Variants in ARIH2 observed in about 807,000 individuals in gnomAD.
The protein encoded by ARIH2 is ariadne RBR E3 ubiquitin protein ligase 2, also known as E3 ubiquitin-protein ligase ARIH2.
A neutral mutation model predicts 79.8 loss-of-function variants in ARIH2; 12 were observed. The observed-to-expected ratio is 0.15, with a 90% CI of 0.10 to 0.24. The LOEUF is 0.24. ARIH2 is among the 10% of genes least tolerant of loss of function. The probability of loss-of-function intolerance (pLI) is 1.00; values close to 1 mark genes in which losing one functional copy is unlikely to be tolerated. For missense variants in ARIH2, 301 were observed against 618.3 expected (o/e 0.49, Z 5.44); for synonymous variants, 224 against 213.9 (o/e 1.05, Z -0.41).
At chr3:48,937,941 G>A (rs1016011100) in intron 3 of ARIH2, among the ~76,000 whole-genome samples, 1 of 151,286 alleles carries the variant, frequency 6.6e-6, no homozygotes, top group African/African-American at 2.4e-5. Flanking sequence ...CAGCTACTCC[G>A]GAGGCTGAGG....
chr3:48,945,024 G>A (rs745563068), intron 3 of ARIH2: 40 of 891,112 alleles, frequency 4.5e-5, no homozygotes, highest in Non-Finnish European at 1.7e-5. Flanking sequence ...ATTGGACCAC[G>A]AAGTGGCAGG....
chr3:48,979,928 CT>C (rs1409819922), intron 12 of ARIH2: 1 of 265,928 alleles, frequency 3.8e-6, no homozygotes, highest in Non-Finnish European at 6.9e-6. Flanking sequence ...TTTTTTTTTT[CT>C]TTTTTCTACG....
intron 9 of ARIH2, among the ~76,000 whole-genome samples, chr3:48,974,037 C>T (rs1473918452): frequency 6.6e-6 from 1 of 151,976 alleles, no homozygotes; most frequent in Non-Finnish European, 1.5e-5. Flanking sequence ...TGCCAAAATG[C>T]CAGGAAAGGG....
intron 3 of ARIH2, chr3:48,949,069 A>T (rs2089606641): frequency 2.2e-6 from 1 of 456,534 alleles, no homozygotes; most frequent in Non-Finnish European, 4.4e-6. Flanking sequence ...TGTATAGATA[A>T]CTAGGAGTGG....
At position 48,968,671 on chromosome 3, in the gene ARIH2, G is replaced by T. The variant is rs1228295720; in HGVS notation, c.660+16G>T. Reference sequence around the variant, plus strand: ...CTATGTGGAGGTATGGCCAGCCTTTGTTCTGCCCTCTGTCTTCCCGGGCCT... The same window carrying T: ...CTATGTGGAGGTATGGCCAGCCTTTTTTCTGCCCTCTGTCTTCCCGGGCCT... On this transcript the variant is annotated intron_variant, in intron 7 of 15. Coordinates refer to ENST00000356401, the MANE Select transcript of ARIH2 (RefSeq NM_006321.4). 6.2e-7 allele frequency: 1 copy of T among 1,602,996 alleles called. No homozygotes were observed. Among genetic ancestry groups the T allele is most frequent in the Non-Finnish European group, 8.5e-7 (1 of 1,172,406 alleles).
intron 3 of ARIH2, among the ~76,000 whole-genome samples, chr3:48,928,708 T>C (rs1262644382): frequency 6.6e-6 from 1 of 152,156 alleles, no homozygotes; most frequent in African/African-American, 2.4e-5. Flanking sequence ...CTATAAAATT[T>C]GCTTTATCTA....
chr3:48,925,532 G>A (rs532337104), intron 2 of ARIH2, among the ~76,000 whole-genome samples: 6 of 151,712 alleles, frequency 4.0e-5, no homozygotes, highest in Admixed American at 3.3e-4. Flanking sequence ...AAAGTTCTGG[G>A]ATTATAGTTG....
intron 11 of ARIH2, among the ~76,000 whole-genome samples, chr3:48,977,288 GT>G (rs1471327800): frequency 6.6e-6 from 1 of 151,896 alleles, no homozygotes; most frequent in African/African-American, 2.4e-5. Context: ...AGGGAATGTG[GT>G]TTTTTGTTTT....
intron 11 of ARIH2, among the ~76,000 whole-genome samples, chr3:48,977,711 C>G (rs1336791052): frequency 6.6e-6 from 1 of 152,172 alleles, no homozygotes; most frequent in African/African-American, 2.4e-5. Flanking sequence ...CCCACCTTGG[C>G]CTCCCAAAGT....
At chr3:48,973,594 A>C in intron 8 of ARIH2, 105 bp from the exon 9 acceptor site, 1 of 776,506 alleles carries the variant, frequency 1.3e-6, no homozygotes, top group Middle Eastern at 2.6e-4. Context: ...AAAAAAAAAG[A>C]AAAAAGCTCT....
chr3:48,982,802 G>T (rs961524145), intron 14 of ARIH2, 94 bp from the exon 15 acceptor site: 5 of 850,570 alleles, frequency 5.9e-6, no homozygotes, highest in Non-Finnish European at 1.0e-5. Context: ...TAGTTCCTGT[G>T]AGCCTGAGGT....
At chr3:48,981,855 A>G (rs1456073541) in intron 14 of ARIH2, 127 bp downstream of exon 14, 2 of 677,424 alleles carry the variant, frequency 3.0e-6, no homozygotes, top group Admixed American at 2.8e-5. Flanking sequence ...CAAAACTCTA[A>G]TTGCAAAATT....
chr3:48,933,541 C>CTT lies in ARIH2; in HGVS notation c.255+5749_255+5750dup, dbSNP rs779068845. On this transcript the variant is annotated intron_variant, in intron 3 of 15. Transcript: ENST00000356401. ...GTGGCATAGTGAAGTATATTGCTCA[C>CTT]TTTTTTTTTTTTTTTTTTTTTTAGT... Among the ~76,000 whole-genome samples, 276 of 125,856 alleles carry CTT rather than the reference C, an allele frequency of 2.2e-3. 4 individuals are homozygous for CTT. The highest frequency in any genetic ancestry group is 7.1e-3 in the African/African-American group (242 of 33,908). 82.6% of individuals were successfully genotyped at this position (125,856 alleles called of 152,430 possible). A position where few individuals can be genotyped will look rare whatever the true frequency, so the allele number is the denominator to read the frequency against.
intron 1 of ARIH2, chr3:48,919,366 T>C (rs1251719961): frequency 5.9e-6 from 3 of 506,786 alleles, no homozygotes; most frequent in Non-Finnish European, 3.1e-6. Flanking sequence ...GCCCGCGCGG[T>C]TTAACGCCCG....
rs1321771716 is a variant in ARIH2, at chr3:48,974,855, C to G, written c.927C>G (p.Gly309=). The G allele has an allele frequency of 1.2e-6, 2 of 1,613,870 alleles. No homozygotes were observed. The highest frequency in any genetic ancestry group is 1.7e-6 in the Non-Finnish European group (2 of 1,180,050). Residue 309 remains glycine (G), a synonymous_variant, in exon 10 of 16, where the codon GGC becomes GGG. Transcript: ENST00000356401. ...KCNICIEKNG[G]CNHMQCSKCK... is the part of the protein sequence containing the mutation. ...ACATCTGCATTGAGAAGAATGGAGG[C>G]TGCAATCACATGGTGAGCAGAAGCC...
intron 12 of ARIH2, 139 bp from the exon 13 acceptor site, chr3:48,980,214 C>T: frequency 1.2e-6 from 1 of 833,128 alleles, no homozygotes; most frequent in East Asian, 2.5e-5. Context: ...TGAAGAAGAC[C>T]TGCTCTTGCA....
chr3:48,939,268 T>C (rs1236206438), intron 3 of ARIH2, among the ~76,000 whole-genome samples: 4 of 151,948 alleles, frequency 2.6e-5, no homozygotes, highest in African/African-American at 7.2e-5. Context: ...AAAACCTTTA[T>C]TTTTAAGAAA....
chr3:48,934,622 A>G (rs2086865822), intron 3 of ARIH2: 2 of 985,402 alleles, frequency 2.0e-6, no homozygotes, highest in Non-Finnish European at 2.4e-6. Flanking sequence ...GGCCGTTAAT[A>G]GGTTTGTTAA....
chr3:48,976,329 G>A (rs1159307281), intron 11 of ARIH2, among the ~76,000 whole-genome samples: 1 of 150,364 alleles, frequency 6.7e-6, no homozygotes, highest in East Asian at 2.0e-4. Flanking sequence ...TTCTCACTCC[G>A]CCTCCCCAGT....
Sources: gnomAD v4.1 joint callset for allele counts (sites outside exome capture counted in the v4.1 genomes callset) on GRCh38, gnomAD v4.1.1 for gene constraint, MANE v1.5 for transcripts, NCBI Gene and HGNC (gene_info 2026-07-23, HGNC 2026-07-21) for gene names.